The following HPSE2 variants were observed in gnomAD, a reference collection of about 807,000 sequenced individuals.
The protein encoded by HPSE2 is inactive heparanase-2.
In HPSE2, 38 loss-of-function variants were observed where a neutral mutation model predicts 60.5. The ratio of observed to expected loss-of-function variants is 0.63; its 90% CI spans 0.48 to 0.82. The LOEUF is 0.82. Among genes scored for constraint, HPSE2 ranks in the 40% least tolerant of loss-of-function variants. HPSE2 has a pLI of 0.00. For synonymous variants in HPSE2, 295 were observed against 293.2 expected (o/e 1.01, Z -0.06); for missense variants, 713 against 740.4 (o/e 0.96, Z 0.43).
At chr10:98,571,480 A>T (rs1437186891) in intron 9 of HPSE2, among the ~76,000 whole-genome samples, 2 of 152,198 alleles carry the variant, frequency 1.3e-5, no homozygotes, top group Non-Finnish European at 2.9e-5. Context: ...ATAATTTTAC[A>T]TTTTAAAAAA....
At chr10:98,460,652 G>A (rs1338582703) in intron 11 of HPSE2, among the ~76,000 whole-genome samples, 2 of 152,126 alleles carry the variant, frequency 1.3e-5, no homozygotes, top group South Asian at 2.1e-4. Flanking sequence ...AATATTAACA[G>A]ATGTTTCCAT....
intron 3 of HPSE2, among the ~76,000 whole-genome samples, chr10:98,844,391 A>G (rs1406085275): frequency 6.6e-6 from 1 of 152,166 alleles, no homozygotes; most frequent in Non-Finnish European, 1.5e-5. Context: ...TTAAGTTTAT[A>G]TTATTCATAT....
chr10:98,776,278 CAA>C (rs35176062), intron 3 of HPSE2, among the ~76,000 whole-genome samples: 92,928 of 136,994 alleles, frequency 0.68, 32,062 homozygotes, highest in Non-Finnish European at 0.79. Flanking sequence ...ACTAAAAATA[CAA>C]AAAAAAAAAA....
chr10:99,053,719 CTTTTTTTT>C (rs11301458), intron 3 of HPSE2, among the ~76,000 whole-genome samples: 13 of 57,808 alleles, frequency 2.2e-4, no homozygotes, highest in African/African-American at 4.7e-4. Context: ...GAGTTACAGT[CTTTTTTTT>C]TTTTTTTTTT....
At chr10:99,218,641 C>T (rs1207759146) in intron 2 of HPSE2, among the ~76,000 whole-genome samples, 3 of 152,182 alleles carry the variant, frequency 2.0e-5, no homozygotes, top group Non-Finnish European at 1.5e-5. Flanking sequence ...CAAATGAAGA[C>T]ATTTCATAAA....
intron 3 of HPSE2, among the ~76,000 whole-genome samples, chr10:99,037,825 A>G (rs1957644799): frequency 6.6e-6 from 1 of 152,080 alleles, no homozygotes. Flanking sequence ...AGCCAAATCG[A>G]ATTTCTCCAA....
intron 3 of HPSE2, among the ~76,000 whole-genome samples, chr10:98,955,250 C>A (rs1955476238): frequency 6.6e-6 from 1 of 151,928 alleles, no homozygotes; most frequent in Admixed American, 6.6e-5. Context: ...GAAACTTGAA[C>A]AAATTTACAA....
At chr10:98,466,818 T>C (rs538571129) in intron 11 of HPSE2, among the ~76,000 whole-genome samples, 2 of 152,160 alleles carry the variant, frequency 1.3e-5, no homozygotes, top group African/African-American at 2.4e-5. Context: ...AAGCCCAGAG[T>C]GATCCTGCAT....
chr10:98,917,057 A>G (rs977057731), intron 3 of HPSE2, among the ~76,000 whole-genome samples: 2 of 152,114 alleles, frequency 1.3e-5, no homozygotes, highest in African/African-American at 4.8e-5. Flanking sequence ...CAACTATTAC[A>G]AGGGTTGTGC....
At chr10:98,701,642 A>G (rs1387931704) in intron 5 of HPSE2, among the ~76,000 whole-genome samples, 1 of 74,078 alleles carries the variant, frequency 1.3e-5, no homozygotes, top group East Asian at 7.6e-4. Flanking sequence ...AAGTATAATA[A>G]TAATAAAATA....
At chr10:98,664,884 CAG>C (rs1474628343) in intron 6 of HPSE2, among the ~76,000 whole-genome samples, 1 of 152,132 alleles carries the variant, frequency 6.6e-6, no homozygotes, top group African/African-American at 2.4e-5. Flanking sequence ...TTCAAAAAGC[CAG>C]AGTGTCTCCT....
rs148250303 is a variant in HPSE2 at position 98,714,460 on chromosome 10, A to G, written c.956+7197T>C. Among the ~76,000 whole-genome samples the G allele has an allele frequency of 3.6e-4, 54 of 152,032 alleles. 1 individual carries two copies. The highest frequency in any genetic ancestry group is 1.2e-3 in the East Asian group (6 of 5,176). On this transcript the variant is annotated intron_variant, in intron 5 of 11. Transcript: ENST00000370552. ...TAATATAAAAGGAACCATACAATGT[A>G]TGGCCTTTTGTGACTGGCTTCCTTC...
At chr10:98,859,332 G>C (rs781459318) in intron 3 of HPSE2, among the ~76,000 whole-genome samples, 3 of 152,112 alleles carry the variant, frequency 2.0e-5, no homozygotes, top group Non-Finnish European at 2.9e-5. Context: ...TTAATATTAT[G>C]TGTCAACTTG....
In HPSE2 at chr10:98,490,183, G is replaced by C; in HGVS notation, c.1334C>G (p.Ser445Cys). 1 of 1,614,152 alleles carries C rather than the reference G, an allele frequency of 6.2e-7. No homozygotes were observed. The highest frequency in any genetic ancestry group is 1.3e-5 in the African/African-American group (1 of 75,054). ...NFNPLPDYWL[S>C]LLYKRLIGPK... ...GCCGATCAGGCGCTTGTAGAGGAGA[G>C]AGAGCCAGTAGTCCTGAGGAGAATA... is the stretch of plus-strand genomic sequence containing the variant. Residue 445 changes from serine to cysteine, a missense_variant, in exon 10 of 12, where the codon TCT becomes TGT. Coordinates refer to ENST00000370552, the MANE Select transcript of HPSE2 (RefSeq NM_021828.5).
At chr10:98,553,187 T>C (rs1282748506) in intron 9 of HPSE2, among the ~76,000 whole-genome samples, 2 of 152,210 alleles carry the variant, frequency 1.3e-5, no homozygotes, top group East Asian at 3.9e-4. Context: ...CCCCAGGTAG[T>C]TGGTTACATG....
At chr10:98,980,746 T>C (rs1490238088) in intron 3 of HPSE2, among the ~76,000 whole-genome samples, 1 of 152,212 alleles carries the variant, frequency 6.6e-6, no homozygotes, top group Non-Finnish European at 1.5e-5. Context: ...GTATGGACGC[T>C]TTCTCAGGCC....
intron 3 of HPSE2, among the ~76,000 whole-genome samples, chr10:98,777,151 T>G (rs1950358320): frequency 6.6e-6 from 1 of 152,164 alleles, no homozygotes; most frequent in Admixed American, 6.6e-5. Flanking sequence ...CAAAAACAAC[T>G]TGAAGTTCCG....
chr10:99,236,299 G>A (rs116306102), upstream of HPSE2, among the ~76,000 whole-genome samples: 2,362 of 152,144 alleles, frequency 0.016, 64 homozygotes, highest in African/African-American at 0.054. Context: ...ACAGAGCAAA[G>A]GGTCTCGTTT....
chr10:99,161,549 G>A (rs2133771467), intron 2 of HPSE2, among the ~76,000 whole-genome samples: 1 of 152,316 alleles, frequency 6.6e-6, no homozygotes, highest in East Asian at 1.9e-4. Flanking sequence ...CTAAGGCTGG[G>A]ATGGGAGAAG....
Sources: gnomAD v4.1 joint callset for allele counts (sites outside exome capture counted in the v4.1 genomes callset) on GRCh38, gnomAD v4.1.1 for gene constraint, MANE v1.5 for transcripts, NCBI Gene and HGNC (gene_info 2026-07-23, HGNC 2026-07-21) for gene names.